Variants in CACNG2 observed in about 807,000 individuals in gnomAD.
CACNG2 encodes the protein calcium voltage-gated channel auxiliary subunit gamma 2.
A neutral mutation model predicts 25.9 loss-of-function variants in CACNG2; 3 were observed. The ratio of observed to expected loss-of-function variants is 0.12; its 90% confidence interval spans 0.05 to 0.30. CACNG2 has a LOEUF of 0.30. Ranked by LOEUF, CACNG2 falls within the 10% of genes least tolerant of loss-of-function variation. CACNG2 has a pLI of 1.00. For missense variants in CACNG2, 341 were observed against 432.5 expected (o/e 0.79, Z 1.88); for synonymous variants, 167 against 173.3 (o/e 0.96, Z 0.29).
intron 1 of CACNG2, among the ~76,000 whole-genome samples, chr22:36,647,182 C>T (rs889868853): frequency 3.3e-5 from 5 of 152,206 alleles, no homozygotes; most frequent in Admixed American, 3.3e-4. Flanking sequence ...CCTCCCCATC[C>T]TGGTCCAGGC....
At chr22:36,649,409 A>G (rs898188235) in intron 1 of CACNG2, among the ~76,000 whole-genome samples, 5 of 151,740 alleles carry the variant, frequency 3.3e-5, no homozygotes, top group African/African-American at 1.2e-4. Context: ...CTTCTGCTTC[A>G]GTCTCCCGAG....
At chr22:36,686,248 C>T (rs1937195361) in intron 1 of CACNG2, among the ~76,000 whole-genome samples, 1 of 152,210 alleles carries the variant, frequency 6.6e-6, no homozygotes, top group African/African-American at 2.4e-5. Flanking sequence ...ACCAAGACAA[C>T]AGCAACAGCT....
chr22:36,700,976 C>A (rs1937404191), intron 1 of CACNG2, among the ~76,000 whole-genome samples: 1 of 152,128 alleles, frequency 6.6e-6, no homozygotes, highest in Non-Finnish European at 1.5e-5. Flanking sequence ...CAGATGTAAT[C>A]ATTTCCGAAA....
chr22:36,605,610 G>A (rs1436615455), intron 1 of CACNG2, among the ~76,000 whole-genome samples: 1 of 152,204 alleles, frequency 6.6e-6, no homozygotes, highest in Non-Finnish European at 1.5e-5. Flanking sequence ...ACTGTAAAAT[G>A]AGGAGTCAGT....
chr22:36,674,174 T>A (rs1936992860), intron 1 of CACNG2, among the ~76,000 whole-genome samples: 2 of 152,172 alleles, frequency 1.3e-5, no homozygotes, highest in African/African-American at 4.8e-5. Flanking sequence ...TGTGGTGGGC[T>A]CAGAGCCAGC....
intron 1 of CACNG2, among the ~76,000 whole-genome samples, chr22:36,595,084 T>C (rs1935658285): frequency 6.6e-6 from 1 of 151,366 alleles, no homozygotes; most frequent in Non-Finnish European, 1.5e-5. Flanking sequence ...TGTGTGTACA[T>C]GGGTATGTGA....
intron 2 of CACNG2, among the ~76,000 whole-genome samples, chr22:36,578,445 C>T (rs1221905493): frequency 2.6e-5 from 4 of 151,698 alleles, no homozygotes; most frequent in Non-Finnish European, 1.5e-5. Context: ...TCATGCTGTT[C>T]CACTGGGGCT....
chr22:36,573,474 GC>G (rs1180588724), intron 2 of CACNG2, among the ~76,000 whole-genome samples: 1 of 152,110 alleles, frequency 6.6e-6, no homozygotes, highest in African/African-American at 2.4e-5. Flanking sequence ...TAGATTACAG[GC>G]CATGTGCCAT....
At chr22:36,620,493 T>C (rs1936089986) in intron 1 of CACNG2, among the ~76,000 whole-genome samples, 1 of 152,264 alleles carries the variant, frequency 6.6e-6, no homozygotes, top group Middle Eastern at 3.2e-3. Flanking sequence ...GAAAATCTGT[T>C]CTGCTTCTTT....
At chr22:36,692,313 G>T (rs569748220) in intron 1 of CACNG2, among the ~76,000 whole-genome samples, 1 of 152,206 alleles carries the variant, frequency 6.6e-6, no homozygotes, top group Non-Finnish European at 1.5e-5. Context: ...GTTCAGGAGA[G>T]AGTGAATGAA....
Position 36,702,658 on chromosome 22 carries a change from A to G in CACNG2, c.-82T>C. ...AGGGTGCAAGTACTAAAGCCAAAAA[A>G]AATAAATAAAAATAAAAATTATTCC... is the stretch of plus-strand genomic sequence containing the variant. On this transcript the variant is annotated 5_prime_UTR_variant, in exon 1 of 4. Transcript: ENST00000300105. The G allele has an allele frequency of 1.1e-6, 1 of 909,928 alleles. No individual in the cohort carries two copies. Among genetic ancestry groups the G allele is most frequent in the South Asian group, 1.4e-5 (1 of 71,766 alleles). 56.4% of individuals were successfully genotyped at this position (909,928 alleles called of 1,614,324 possible). A position where few individuals can be genotyped will look rare whatever the true frequency, so the allele number is the denominator to read the frequency against.
At chr22:36,630,115 G>A (rs1936246201) in intron 1 of CACNG2, among the ~76,000 whole-genome samples, 2 of 152,172 alleles carry the variant, frequency 1.3e-5, no homozygotes, top group South Asian at 4.1e-4. Context: ...ACCATGGGAA[G>A]GGGTCATGTG....
At chr22:36,570,191 CT>C (rs1415793178) in intron 2 of CACNG2, among the ~76,000 whole-genome samples, 3 of 152,182 alleles carry the variant, frequency 2.0e-5, no homozygotes, top group African/African-American at 7.2e-5. Context: ...GGAGCGTCGG[CT>C]GCGGAGGGAG....
Position 36,561,397 on chromosome 22 carries a change from C to G in CACNG2, c.*2954G>C, listed in dbSNP as rs1448028226. On this transcript the variant is annotated 3_prime_UTR_variant, in exon 4 of 4. Coordinates refer to ENST00000300105, the MANE Select transcript of CACNG2 (RefSeq NM_006078.5). ...GGGTAGAGTTCAGTTTCTGCCCAGA[C>G]TGAGGGCAACTTGGTTGTTGTTACC... 6.6e-6 allele frequency: 1 copy of G among 152,384 alleles called. No homozygotes were observed. Among genetic ancestry groups the G allele is most frequent in the East Asian group, 1.9e-4 (1 of 5,194 alleles). The allele number at this position is 152,384 out of a possible 1,614,324, so 9.4% of individuals were successfully genotyped here.
intron 1 of CACNG2, among the ~76,000 whole-genome samples, chr22:36,635,452 G>A (rs901009298): frequency 3.3e-4 from 50 of 152,164 alleles, no homozygotes; most frequent in African/African-American, 1.1e-3. Context: ...CTACAAACGA[G>A]GACAAAGATG....
At chr22:36,590,088 C>T (rs1011247345) in intron 1 of CACNG2, among the ~76,000 whole-genome samples, 2 of 152,174 alleles carry the variant, frequency 1.3e-5, no homozygotes, top group Non-Finnish European at 2.9e-5. Context: ...CCCAGCAGGG[C>T]CCCAGCTGCA....
intron 1 of CACNG2, among the ~76,000 whole-genome samples, chr22:36,667,084 G>A (rs1402572536): frequency 6.6e-6 from 1 of 151,824 alleles, no homozygotes; most frequent in Non-Finnish European, 1.5e-5. Context: ...CCACCTCCAG[G>A]GTTCAAGCAA....
At chr22:36,657,054 CG>C (rs763681752) in intron 1 of CACNG2, among the ~76,000 whole-genome samples, 51 of 152,226 alleles carry the variant, frequency 3.4e-4, no homozygotes, top group Non-Finnish European at 6.5e-4. Context: ...CAGAAGTGCT[CG>C]ACAGTGATTT....
chr22:36,689,651 T>A (rs1937243937), intron 1 of CACNG2, among the ~76,000 whole-genome samples: 2 of 152,278 alleles, frequency 1.3e-5, no homozygotes, highest in Non-Finnish European at 2.9e-5. Context: ...TCCATGAAGC[T>A]TTCCAAGGTA....
Sources: gnomAD v4.1 joint callset for allele counts (sites outside exome capture counted in the v4.1 genomes callset) on GRCh38, gnomAD v4.1.1 for gene constraint, MANE v1.5 for transcripts, NCBI Gene and HGNC (gene_info 2026-07-23, HGNC 2026-07-21) for gene names.